DIS3L2: variants seen among roughly 807,000 people sequenced by gnomAD.
DIS3L2 encodes the protein DIS3 like 3'-5' exoribonuclease 2.
In DIS3L2, 34 loss-of-function variants were observed where a neutral mutation model predicts 97.5. The observed-to-expected ratio is 0.35, with a 90% CI of 0.27 to 0.46. DIS3L2 has a LOEUF of 0.46. Ranked by LOEUF, DIS3L2 falls within the 20% of genes least tolerant of loss-of-function variation. DIS3L2 has a pLI of 1.00. For missense variants in DIS3L2, 1,038 were observed against 1,146.0 expected (o/e 0.91, Z 1.36); for synonymous variants, 435 against 445.2 (o/e 0.98, Z 0.29).
intron 1 of DIS3L2, among the ~76,000 whole-genome samples, chr2:231,981,377 A>G (rs1693250892): frequency 6.6e-6 from 1 of 151,788 alleles, no homozygotes; most frequent in South Asian, 2.1e-4. Context: ...GTTGGCATAT[A>G]GGCATGTTAT....
chr2:232,102,998 T>C (rs992339372), intron 6 of DIS3L2, among the ~76,000 whole-genome samples: 4 of 152,130 alleles, frequency 2.6e-5, no homozygotes, highest in Non-Finnish European at 5.9e-5. Flanking sequence ...TTTTAACTTA[T>C]TTGAGTTAAC....
At chr2:232,031,460 G>A (rs1280923326) in intron 5 of DIS3L2, among the ~76,000 whole-genome samples, 1 of 150,536 alleles carries the variant, frequency 6.6e-6, no homozygotes, top group Non-Finnish European at 1.5e-5. Flanking sequence ...ACAAATTTAA[G>A]TGTAATTTTT....
In DIS3L2 at chr2:232,281,312, G is replaced by A. The variant is rs971808762; in HGVS notation, c.1659+17872G>A. ...TATTTGGGAGGCTGAGGCAGGAGAA[G>A]GGCGTGAACCCGGGAGGCGGAGCTT... On this transcript the variant is annotated intron_variant, in intron 13 of 20. Coordinates refer to ENST00000325385, the MANE Select transcript of DIS3L2 (RefSeq NM_152383.5). This position sits in a 1 kb window ranked among gnomAD's most constrained non-coding sequence, Gnocchi z 4.1. Among the ~76,000 whole-genome samples, 3 of 152,144 alleles carry A rather than the reference G, an allele frequency of 2.0e-5. No individual in the cohort carries two copies. The highest frequency in any genetic ancestry group is 1.3e-4 in the Admixed American group (2 of 15,282).
intron 14 of DIS3L2, among the ~76,000 whole-genome samples, chr2:232,311,869 A>G (rs542947283): frequency 6.6e-6 from 1 of 152,274 alleles, no homozygotes; most frequent in South Asian, 2.1e-4. Flanking sequence ...GTTATTATAA[A>G]TCTGCTTGTA....
intron 10 of DIS3L2, among the ~76,000 whole-genome samples, chr2:232,238,109 G>C (rs1380312817): frequency 6.6e-6 from 1 of 152,078 alleles, no homozygotes; most frequent in Admixed American, 6.5e-5. Context: ...GGGCTAAATA[G>C]GGCAATGGCC....
chr2:232,207,831 T>C (rs1692072210), intron 9 of DIS3L2, among the ~76,000 whole-genome samples: 1 of 152,154 alleles, frequency 6.6e-6, no homozygotes, highest in Admixed American at 6.5e-5. Flanking sequence ...GTACAAACAA[T>C]ATATTTACAA....
intron 5 of DIS3L2, among the ~76,000 whole-genome samples, chr2:232,060,031 A>G (rs142872240): frequency 9.9e-4 from 150 of 152,164 alleles, no homozygotes; most frequent in Middle Eastern, 3.4e-3. Context: ...TTTTTTTTCT[A>G]TAGAGTTGTT....
intron 1 of DIS3L2, among the ~76,000 whole-genome samples, chr2:231,983,455 G>C (rs1003749806): frequency 6.6e-5 from 10 of 152,196 alleles, no homozygotes; most frequent in African/African-American, 2.4e-4. Flanking sequence ...AACAGCAGGG[G>C]ATGAGTGGTG....
intron 1 of DIS3L2, among the ~76,000 whole-genome samples, chr2:232,013,132 C>G (rs1327490582): frequency 6.6e-6 from 1 of 152,178 alleles, no homozygotes; most frequent in Non-Finnish European, 1.5e-5. Context: ...TGTGTAATAC[C>G]ATGGTAAGGG....
At chr2:232,294,272 T>C (rs1197954682) in intron 13 of DIS3L2, among the ~76,000 whole-genome samples, 1 of 152,166 alleles carries the variant, frequency 6.6e-6, no homozygotes, top group Non-Finnish European at 1.5e-5. Context: ...AGAGGTTGGG[T>C]CTGCTTCCCC....
At chr2:232,312,017 A>C (rs189814925) in intron 14 of DIS3L2, among the ~76,000 whole-genome samples, 2 of 152,210 alleles carry the variant, frequency 1.3e-5, no homozygotes, top group African/African-American at 4.8e-5. Context: ...TGCCTTTTCA[A>C]ATTTCTTGCC....
chr2:232,031,186 T>C (rs1456368313), intron 5 of DIS3L2, among the ~76,000 whole-genome samples: 2 of 152,202 alleles, frequency 1.3e-5, no homozygotes, highest in African/African-American at 4.8e-5. Context: ...AATCTTAGAA[T>C]GGCAGGAGCT....
intron 14 of DIS3L2, 28 bp from the exon 15 acceptor site, chr2:232,329,785 T>TCCCGGGGGGGG: frequency 1.4e-4 from 134 of 967,056 alleles, no homozygotes; most frequent in Non-Finnish European, 1.7e-4. Context: ...ACCCCAGCGG[T>TCCCGGGGGGGG]CCCTCCCATC....
intron 5 of DIS3L2, among the ~76,000 whole-genome samples, chr2:232,059,906 T>C (rs1695655452): frequency 6.6e-6 from 1 of 152,006 alleles, no homozygotes; most frequent in Non-Finnish European, 1.5e-5. Flanking sequence ...CCTAGGTTGA[T>C]TCTATGTCTT....
intron 10 of DIS3L2, among the ~76,000 whole-genome samples, chr2:232,218,906 C>A (rs548576181): frequency 6.6e-6 from 1 of 152,250 alleles, no homozygotes; most frequent in African/African-American, 2.4e-5. Context: ...TTACCAAAGC[C>A]CTGTAAGATG....
intron 5 of DIS3L2, among the ~76,000 whole-genome samples, chr2:232,046,336 A>G (rs756005239): frequency 5.3e-5 from 8 of 152,180 alleles, no homozygotes; most frequent in Non-Finnish European, 8.8e-5. Flanking sequence ...CCATGTACTA[A>G]CGGCATGGAA....
At chr2:232,012,678 A>G (rs567569674) in intron 1 of DIS3L2, among the ~76,000 whole-genome samples, 5 of 151,414 alleles carry the variant, frequency 3.3e-5, no homozygotes, top group East Asian at 1.9e-4. Context: ...CATCTTCATT[A>G]GCTTCTTTGT....
intron 9 of DIS3L2, among the ~76,000 whole-genome samples, chr2:232,191,794 A>G (rs1302618828): frequency 1.3e-5 from 2 of 152,252 alleles, no homozygotes; most frequent in African/African-American, 4.8e-5. Context: ...TAGAATTCCT[A>G]GGATAGGAGT....
chr2:232,096,460 T>C (rs952307374), intron 6 of DIS3L2, among the ~76,000 whole-genome samples: 1 of 152,124 alleles, frequency 6.6e-6, no homozygotes, highest in African/African-American at 2.4e-5. Context: ...TTAATGTCTT[T>C]CTCTAGGTTT....
Sources: gnomAD v4.1 joint callset for allele counts (sites outside exome capture counted in the v4.1 genomes callset) on GRCh38, gnomAD v4.1.1 for gene constraint, Gnocchi (gnomAD v3.1) non-coding constraint, MANE v1.5 for transcripts, NCBI Gene and HGNC (gene_info 2026-07-23, HGNC 2026-07-21) for gene names.